TM2D1: variants seen among roughly 807,000 people sequenced by gnomAD.
TM2D1 encodes the protein TM2 domain containing 1, also known as TM2 domain-containing protein 1.
Under a neutral mutation model 28.4 loss-of-function variants are expected in TM2D1, and 15 were observed. The observed-to-expected ratio is 0.53, with a 90% confidence interval of 0.35 to 0.81. TM2D1 has a LOEUF of 0.81. Ranked by LOEUF, TM2D1 falls within the 40% of genes least tolerant of loss-of-function variation. The pLI, the probability that TM2D1 is intolerant of heterozygous loss-of-function variation, is 0.01. For missense variants in TM2D1, 236 were observed against 254.9 expected, an observed-to-expected ratio of 0.93 and a Z score of 0.50; for synonymous variants, 93 against 96.2, an observed-to-expected ratio of 0.97 and a Z score of 0.20.
intron 3 of TM2D1, among the ~76,000 whole-genome samples, chr1:61,706,830 A>T (rs1356419853): frequency 4.2e-5 from 2 of 47,894 alleles, no homozygotes; most frequent in African/African-American, 1.1e-4. Context: ...ACTCTGTCTT[A>T]AAAAAAAGAA....
chr1:61,683,633 T>C (rs1021808786), intron 5 of TM2D1, 87 bp from the exon 6 acceptor site: 5 of 706,734 alleles, frequency 7.1e-6, no homozygotes, highest in African/African-American at 5.7e-5. Context: ...TTAATAAAAG[T>C]ATTTCAGAAG....
intron 3 of TM2D1, among the ~76,000 whole-genome samples, chr1:61,703,323 TTAATA>T (rs1281822707): frequency 1.4e-5 from 2 of 147,582 alleles, no homozygotes; most frequent in Admixed American, 6.8e-5. Flanking sequence ...ATTATTATAT[TTAATA>T]TAAGATGGTA....
At chr1:61,711,388 G>A (rs1294736223) in intron 2 of TM2D1, among the ~76,000 whole-genome samples, 8 of 151,364 alleles carry the variant, frequency 5.3e-5, no homozygotes, top group Admixed American at 1.3e-4. Flanking sequence ...AGTGACTCAC[G>A]CCTGTAATCC....
intron 2 of TM2D1, among the ~76,000 whole-genome samples, chr1:61,712,861 A>G (rs761541471): frequency 9.2e-5 from 14 of 151,974 alleles, no homozygotes; most frequent in Non-Finnish European, 2.1e-4. Flanking sequence ...TTTTACATCA[A>G]TTTTAGGAAA....
At chr1:61,691,290 G>C (rs1644321821) in intron 5 of TM2D1, among the ~76,000 whole-genome samples, 1 of 152,084 alleles carries the variant, frequency 6.6e-6, no homozygotes, top group Non-Finnish European at 1.5e-5. Flanking sequence ...GAGGTCAGGA[G>C]TTTGAGACCA....
At chr1:61,701,284 C>A (rs1644398485) in intron 3 of TM2D1, among the ~76,000 whole-genome samples, 1 of 73,806 alleles carries the variant, frequency 1.4e-5, no homozygotes, top group South Asian at 4.8e-4. Context: ...AAATCATATA[C>A]TATGTTAGAA....
chr1:61,715,166 C>T (rs1047465166), intron 2 of TM2D1, among the ~76,000 whole-genome samples: 2 of 152,064 alleles, frequency 1.3e-5, no homozygotes, highest in African/African-American at 4.8e-5. Flanking sequence ...AGACAGAAGA[C>T]ATGAGAAAAT....
chr1:61,696,974 T>G (rs1248328874), intron 4 of TM2D1, among the ~76,000 whole-genome samples: 1 of 152,064 alleles, frequency 6.6e-6, no homozygotes, highest in Non-Finnish European at 1.5e-5. Flanking sequence ...TTGATTATAA[T>G]AACTGTAGTA....
Position 61,724,999 on chromosome 1 carries a change from C to G in TM2D1, c.122G>C (p.Gly41Ala), listed in dbSNP as rs778621224. ...CTCGCACTTAAGCGACTCCTCGCCC[C>G]CGGCGGAGGTGGCAACAGCCCCCCA... ...GPWGAVATSA[G>A]GEESLKCEDL... Residue 41 changes from glycine (G) to alanine (A), a missense_variant, in exon 1 of 7, where the codon GGG (glycine) becomes GCG (alanine). Physicochemically the swap from Gly to Ala is moderately conservative, Grantham distance 60 (BLOSUM62 0). Around this residue, in one of 3 missense-constraint regions of TM2D1, gnomAD observed 167 missense variants for 162.7 expected, o/e 1.03. Transcript: ENST00000606498. The G allele has an allele frequency of 3.9e-5, 62 of 1,609,730 alleles. No individual in the cohort carries two copies. The highest frequency in any genetic ancestry group is 1.6e-4 in the Middle Eastern group (1 of 6,074).
chr1:61,699,905 A>G (rs986825847), intron 4 of TM2D1: 2 of 302,034 alleles, frequency 6.6e-6, no homozygotes, highest in African/African-American at 2.2e-5. Flanking sequence ...GTTTTAGTAT[A>G]GCTGTCAGAA....
chr1:61,716,493 A>G (rs1644522372), intron 2 of TM2D1, among the ~76,000 whole-genome samples: 2 of 145,610 alleles, frequency 1.4e-5, no homozygotes. Context: ...ATATACGTAT[A>G]TAATTATATA....
intron 2 of TM2D1, among the ~76,000 whole-genome samples, chr1:61,716,096 C>T (rs1179876019): frequency 5.9e-5 from 9 of 151,600 alleles, no homozygotes; most frequent in East Asian, 3.9e-4. Flanking sequence ...TGAGCCACCA[C>T]GCCCAGCCGA....
chr1:61,691,921 T>TTA (rs1644327909), intron 5 of TM2D1, among the ~76,000 whole-genome samples: 9 of 62,052 alleles, frequency 1.5e-4, no homozygotes, highest in Admixed American at 5.0e-4. Context: ...AAAAAAAACT[T>TTA]AAAAAAAAAA....
At chr1:61,692,157 A>G (rs1451565740) in intron 5 of TM2D1, among the ~76,000 whole-genome samples, 7 of 151,550 alleles carry the variant, frequency 4.6e-5, no homozygotes. Context: ...ATCATCATTC[A>G]TATTATCTGT....
At chr1:61,711,810 T>C (rs1239470806) in intron 2 of TM2D1, among the ~76,000 whole-genome samples, 1 of 152,194 alleles carries the variant, frequency 6.6e-6, no homozygotes, top group Non-Finnish European at 1.5e-5. Flanking sequence ...ATTAGTTATA[T>C]AGTAGACAAC....
intron 5 of TM2D1, among the ~76,000 whole-genome samples, chr1:61,689,104 G>T (rs1030852477): frequency 6.6e-6 from 1 of 152,170 alleles, no homozygotes; most frequent in Admixed American, 6.5e-5. Flanking sequence ...AAACTATCAA[G>T]TATACCACCT....
At chr1:61,706,983 G>A (rs1644446347) in intron 3 of TM2D1, among the ~76,000 whole-genome samples, 1 of 152,190 alleles carries the variant, frequency 6.6e-6, no homozygotes, top group Non-Finnish European at 1.5e-5. Context: ...GGCCAGGCAT[G>A]GTGGCTCATG....
At chr1:61,706,149 A>G (rs1644438806) in intron 3 of TM2D1, among the ~76,000 whole-genome samples, 2 of 152,270 alleles carry the variant, frequency 1.3e-5, no homozygotes, top group Admixed American at 1.3e-4. Context: ...CACTCTTACC[A>G]TCAAAATTAC....
chr1:61,719,514 C>T (rs973025859), intron 2 of TM2D1, among the ~76,000 whole-genome samples: 38 of 151,002 alleles, frequency 2.5e-4, no homozygotes, highest in African/African-American at 8.0e-4. Context: ...TGTTTTGAGA[C>T]GGAGTTTCAC....
Sources: gnomAD v4.1 joint callset for allele counts (sites outside exome capture counted in the v4.1 genomes callset) on GRCh38, gnomAD v4.1.1 for gene constraint, gnomAD v4.1.1 regional missense constraint, MANE v1.5 for transcripts, NCBI Gene and HGNC (gene_info 2026-07-23, HGNC 2026-07-21) for gene names.